The following TANGO6 variants were observed in gnomAD, a reference collection of about 807,000 sequenced individuals.
TANGO6 encodes transport and golgi organization 6 homolog, also known as transport and Golgi organization protein 6 homolog.
Under a neutral mutation model 114.2 loss-of-function variants are expected in TANGO6, and 90 were observed. The ratio of observed to expected loss-of-function variants is 0.79; its 90% CI spans 0.66 to 0.94. The LOEUF (loss-of-function observed/expected upper bound fraction) is 0.94, where lower values mean the gene tolerates loss of function less well. TANGO6 is among the 40% of genes least tolerant of loss of function. TANGO6 has a pLI of 0.00. For missense variants in TANGO6, 1,274 were observed against 1,315.3 expected (o/e 0.97, Z 0.49); for synonymous variants, 477 against 509.8 (o/e 0.94, Z 0.87).
chr16:68,857,625 C>T (rs901993696), intron 1 of TANGO6, among the ~76,000 whole-genome samples: 2 of 152,180 alleles, frequency 1.3e-5, no homozygotes, highest in African/African-American at 4.8e-5. Flanking sequence ...TACTATTTTG[C>T]ATTCCCACCA....
At chr16:68,891,665 G>A (rs887054938) in intron 7 of TANGO6, among the ~76,000 whole-genome samples, 58 of 152,106 alleles carry the variant, frequency 3.8e-4, no homozygotes, top group Non-Finnish European at 7.5e-4. Flanking sequence ...GTTAGATGCT[G>A]TACAAGCCAA....
intron 14 of TANGO6, among the ~76,000 whole-genome samples, chr16:68,934,874 C>T (rs1176786587): frequency 6.6e-6 from 1 of 152,092 alleles, no homozygotes; most frequent in Non-Finnish European, 1.5e-5. Flanking sequence ...CTAGGGCCTG[C>T]TATCAAAATC....
chr16:68,990,273 G>C (rs1963935663), intron 15 of TANGO6, among the ~76,000 whole-genome samples: 1 of 152,198 alleles, frequency 6.6e-6, no homozygotes, highest in African/African-American at 2.4e-5. Context: ...AGGTTTAATG[G>C]ACTGACAGTT....
At chr16:68,957,439 C>G (rs1256181613) in intron 14 of TANGO6, among the ~76,000 whole-genome samples, 2 of 150,962 alleles carry the variant, frequency 1.3e-5, no homozygotes, top group Admixed American at 6.6e-5. Flanking sequence ...GCTCTGTCAC[C>G]CAGCCTGGAG....
chr16:69,042,856 G>C (rs914069674), intron 17 of TANGO6, among the ~76,000 whole-genome samples: 7 of 152,186 alleles, frequency 4.6e-5, no homozygotes, highest in Non-Finnish European at 7.4e-5. Context: ...GAATGGAGGG[G>C]TATACAGGGA....
chr16:68,855,869 A>G (rs1567524139), intron 1 of TANGO6, among the ~76,000 whole-genome samples: 1 of 151,908 alleles, frequency 6.6e-6, no homozygotes, highest in Non-Finnish European at 1.5e-5. Context: ...TTGACAGAGC[A>G]AGACTCAGTC....
chr16:69,010,705 T>C (rs768629588), intron 15 of TANGO6, among the ~76,000 whole-genome samples: 2 of 152,176 alleles, frequency 1.3e-5, no homozygotes, highest in Non-Finnish European at 2.9e-5. Context: ...ACCCATCCTG[T>C]TGCTCTCATC....
chr16:68,954,699 C>A (rs1963508374), intron 14 of TANGO6, among the ~76,000 whole-genome samples: 1 of 152,198 alleles, frequency 6.6e-6, no homozygotes, highest in South Asian at 2.1e-4. Flanking sequence ...GATATCTGTA[C>A]AAATTTCTGA....
intron 9 of TANGO6, among the ~76,000 whole-genome samples, chr16:68,903,265 T>C (rs745699191): frequency 6.6e-6 from 1 of 152,116 alleles, no homozygotes; most frequent in African/African-American, 2.4e-5. Flanking sequence ...AACACATAGA[T>C]TGCAAACAGA....
chr16:68,866,984 T>C, intron 3 of TANGO6, 95 bp from the exon 4 acceptor site: 1 of 540,558 alleles, frequency 1.8e-6, no homozygotes, highest in Non-Finnish European at 2.6e-6. Context: ...CCTTTTTTTT[T>C]TTTTTTTTTT....
Position 68,862,944 on chromosome 16 carries a change from G to T in TANGO6, c.736-1G>T. 6.3e-7 allele frequency: 1 copy of T among 1,580,274 alleles called. No homozygotes were observed. On this transcript the variant is annotated splice_acceptor_variant, in intron 2 of 17. Transcript: ENST00000261778. LOFTEE classifies it high-confidence loss of function. Reference sequence around the variant, plus strand: ...TAAAGCCAAGTGCATATTTCTTTTAGGTTCTAACTGAAGAGGAGAGAACCC... The same window carrying T: ...TAAAGCCAAGTGCATATTTCTTTTATGTTCTAACTGAAGAGGAGAGAACCC...
chr16:68,854,733 A>G (rs1011810628), intron 1 of TANGO6, among the ~76,000 whole-genome samples: 5 of 151,832 alleles, frequency 3.3e-5, no homozygotes, highest in Admixed American at 6.6e-5. Flanking sequence ...TCAAATAGCC[A>G]TATAAGTGTG....
At chr16:68,902,168 A>G (rs1007562636) in intron 8 of TANGO6, among the ~76,000 whole-genome samples, 160 bp from the exon 9 acceptor site, 6 of 152,208 alleles carry the variant, frequency 3.9e-5, no homozygotes, top group Admixed American at 3.3e-4. Flanking sequence ...GAAATTCACA[A>G]GAAGCATACT....
At chr16:68,957,011 T>C (rs1963536316) in intron 14 of TANGO6, among the ~76,000 whole-genome samples, 1 of 152,182 alleles carries the variant, frequency 6.6e-6, no homozygotes, top group Non-Finnish European at 1.5e-5. Context: ...TATAAGAGTC[T>C]TGCAGAAATG....
intron 12 of TANGO6, 62 bp downstream of exon 12, chr16:68,919,281 T>C: frequency 6.4e-7 from 1 of 1,574,374 alleles, no homozygotes; most frequent in Non-Finnish European, 8.6e-7. Context: ...TACCAGTTGT[T>C]TTCCTTCCAT....
At chr16:68,920,813 G>C (rs1044323185) in intron 12 of TANGO6, among the ~76,000 whole-genome samples, 1 of 151,830 alleles carries the variant, frequency 6.6e-6, no homozygotes, top group Non-Finnish European at 1.5e-5. Flanking sequence ...TAAAAAAAAA[G>C]CTTTTGGTTC....
chr16:69,068,652 T>C (rs1960252969), intron 17 of TANGO6, among the ~76,000 whole-genome samples: 1 of 152,202 alleles, frequency 6.6e-6, no homozygotes, highest in Non-Finnish European at 1.5e-5. Context: ...GTCACAGTCT[T>C]CACTGACAAA....
chr16:68,945,057 C>G (rs1204599885), intron 14 of TANGO6, among the ~76,000 whole-genome samples: 2 of 152,186 alleles, frequency 1.3e-5, no homozygotes, highest in African/African-American at 4.8e-5. Context: ...AGGAGAATCA[C>G]TTGAACCCAG....
At chr16:68,891,043 A>AG (rs1962607249) in intron 7 of TANGO6, among the ~76,000 whole-genome samples, 2 of 147,590 alleles carry the variant, frequency 1.4e-5, no homozygotes, top group Non-Finnish European at 3.0e-5. Context: ...AAGAAAAAAA[A>AG]GACTTTGGGA....
Sources: allele counts gnomAD v4.1 joint callset (sites outside exome capture counted in the v4.1 genomes callset), GRCh38; gene constraint gnomAD v4.1.1; transcripts MANE v1.5; gene names NCBI Gene and HGNC (gene_info 2026-07-23, HGNC 2026-07-21).